HLA-E: variants seen among roughly 807,000 people sequenced by gnomAD.
HLA-E encodes HLA class I histocompatibility antigen, alpha chain E.
A neutral mutation model predicts 43.4 loss-of-function variants in HLA-E; 25 were observed. That is an observed-to-expected ratio of 0.58 (90% CI 0.42 to 0.80). HLA-E has a LOEUF of 0.80. HLA-E is among the 30% of genes least tolerant of loss of function. The pLI is 0.00. For missense variants in HLA-E, 343 were observed against 470.0 expected (o/e 0.73, Z 2.50); for synonymous variants, 161 against 197.6 (o/e 0.81, Z 1.55).
In HLA-E at chr6:30,489,840, A is replaced by T; in HGVS notation, c.179A>T (p.Asp60Val). The T allele has an allele frequency of 2.5e-6, 4 of 1,612,974 alleles. No homozygotes were observed. Among genetic ancestry groups the T allele is most frequent in the Non-Finnish European group, 3.4e-6 (4 of 1,179,988 alleles). ...ACCCAGTTCGTGCGCTTCGACAACGACGCCGCGAGTCCGAGGATGGTGCCG... is the reference window on the plus strand; with the variant it reads ...ACCCAGTTCGTGCGCTTCGACAACGTCGCCGCGAGTCCGAGGATGGTGCCG... Reference protein sequence around the residue: ...DDTQFVRFDNDAASPRMVPRA... With the variant: ...DDTQFVRFDNVAASPRMVPRA... The change falls in exon 2 of 8, where the codon GAC becomes GTC. Residue 60 changes from aspartate to valine, a missense_variant. Transcript: ENST00000376630. This position sits in a 1 kb window ranked among gnomAD's most constrained non-coding sequence, Gnocchi z 5.6.
Position 30,492,310 on chromosome 6 carries a change from G to A in HLA-E, c.1004-94G>A. ...CCCTGGGTCTGCAGTCACAGTTCAG[G>A]AAACTTCTCTGGGATCCAAAACTAG... On this transcript the variant is annotated intron_variant, in intron 5 of 7. Coordinates refer to ENST00000376630, the MANE Select transcript of HLA-E (RefSeq NM_005516.6). This position sits in a 1 kb window ranked among gnomAD's most constrained non-coding sequence, Gnocchi z 4.5. 7.3e-7 allele frequency: 1 copy of A among 1,374,628 alleles called. No individual in the cohort carries two copies. Among genetic ancestry groups the A allele is most frequent in the Admixed American group, 1.7e-5 (1 of 59,464 alleles). The allele number at this position is 1,374,628 out of a possible 1,614,324, so 85.2% of individuals were successfully genotyped here.
rs776182677 is a variant in HLA-E, at chr6:30,489,672, G to A, written c.65-54G>A. 7 of 1,609,928 alleles carry A rather than the reference G, an allele frequency of 4.3e-6. No homozygotes were observed. The highest frequency in any genetic ancestry group is 5.9e-6 in the Non-Finnish European group (7 of 1,178,316). On this transcript the variant is annotated intron_variant, in intron 1 of 7. Transcript: ENST00000376630. This position sits in a 1 kb window ranked among gnomAD's most constrained non-coding sequence, Gnocchi z 5.6. ...CGGCCCGGCGGGGGCGAAGGACTCGGGGAGCCGCGCCGGGAGGAGGGTCGG... is the reference window on the plus strand; with the variant it reads ...CGGCCCGGCGGGGGCGAAGGACTCGAGGAGCCGCGCCGGGAGGAGGGTCGG...
chr6:30,492,342 C>T lies in HLA-E; in HGVS notation c.1004-62C>T, dbSNP rs1313277098. 6.4e-6 allele frequency: 10 copies of T among 1,570,024 alleles called. No homozygotes were observed. The African/African-American group carries it at 1.4e-4, about 21-fold the overall frequency. ...CTCTGGGATCCAAAACTAGGAGGTT[C>T]CTCTAGGACCTTATGGCCCTGCCTC... On this transcript the variant is annotated intron_variant, in intron 5 of 7. Coordinates refer to ENST00000376630, the MANE Select transcript of HLA-E (RefSeq NM_005516.6). The surrounding 1 kb of genome is among the most constrained non-coding windows in gnomAD (Gnocchi z 4.5).
At position 30,490,038 on chromosome 6, in the gene HLA-E, A is replaced by G. The variant is rs1796433889; in HGVS notation, c.334+43A>G. On this transcript the variant is annotated intron_variant, in intron 2 of 7. Coordinates refer to ENST00000376630, the MANE Select transcript of HLA-E (RefSeq NM_005516.6). This position sits in a 1 kb window ranked among gnomAD's most constrained non-coding sequence, Gnocchi z 6.6. The stretch of plus-strand genomic sequence containing the variant: ...GGGGAGCAGGTCACGACCCCTCCCC[A>G]TCCCCCACGGACGGCGCGGGTCCCC... The G allele has an allele frequency of 6.4e-7, 1 of 1,568,626 alleles. No individual in the cohort carries two copies. The highest frequency in any genetic ancestry group is 8.7e-7 in the Non-Finnish European group (1 of 1,152,026).
rs560075602 is a variant in HLA-E, at chr6:30,492,575, C to T, written c.1071C>T (p.Ser357=). The T allele has an allele frequency of 1.2e-6, 2 of 1,613,890 alleles. No individual in the cohort carries two copies. The highest frequency in any genetic ancestry group is 1.7e-6 in the Non-Finnish European group (2 of 1,179,912). ...SDSAQGSESH[S]L ...GTGCCCAGGGGTCTGAGTCTCACAGCTTGTAAAGGTGAGATTCTGGGGGTC... is the reference window on the plus strand; with the variant it reads ...GTGCCCAGGGGTCTGAGTCTCACAGTTTGTAAAGGTGAGATTCTGGGGGTC... Residue 357 remains serine, a synonymous_variant, in exon 7 of 8, where the codon AGC becomes AGT. Coordinates refer to ENST00000376630, the MANE Select transcript of HLA-E (RefSeq NM_005516.6). This position sits in a 1 kb window ranked among gnomAD's most constrained non-coding sequence, Gnocchi z 4.5.
Position 30,491,734 on chromosome 6 carries a change from T to C in HLA-E, c.1003+81T>C. The C allele has an allele frequency of 8.6e-7, 1 of 1,159,612 alleles. No individual in the cohort carries two copies. The highest frequency in any genetic ancestry group is 1.4e-5 in the South Asian group (1 of 73,518). 71.8% of individuals were successfully genotyped at this position (1,159,612 alleles called of 1,614,324 possible). Reference sequence around the variant, plus strand: ...GCCCTAGGTAAAAGTGTGTCCTGCCTCGTTACTGGGAAGCACCATCCACAC... The same window carrying C: ...GCCCTAGGTAAAAGTGTGTCCTGCCCCGTTACTGGGAAGCACCATCCACAC... On this transcript the variant is annotated intron_variant, in intron 5 of 7. Coordinates refer to ENST00000376630, the MANE Select transcript of HLA-E (RefSeq NM_005516.6). The surrounding 1 kb of genome is among the most constrained non-coding windows in gnomAD (Gnocchi z 5.4).
In HLA-E at chr6:30,492,715, A is replaced by T; in HGVS notation, c.*3-34A>T. The T allele has an allele frequency of 1.1e-6, 1 of 891,496 alleles. No individual in the cohort carries two copies. The highest frequency in any genetic ancestry group is 1.5e-5 in the South Asian group (1 of 66,230). The allele number at this position is 891,496 out of a possible 1,614,324, so 55.2% of individuals were successfully genotyped here. ...AGAGTGTCATCACTTACCGTGACTG[A>T]CCTGAATTTGTTCATGACTATTTTC... On this transcript the variant is annotated intron_variant, in intron 7 of 7. Coordinates refer to ENST00000376630, the MANE Select transcript of HLA-E (RefSeq NM_005516.6). This position sits in a 1 kb window ranked among gnomAD's most constrained non-coding sequence, Gnocchi z 4.5.
chr6:30,491,261 T>C lies in HLA-E; in HGVS notation c.735T>C (p.His245=), dbSNP rs1458218018. 1.2e-6 allele frequency: 2 copies of C among 1,614,024 alleles called. No homozygotes were observed. Among genetic ancestry groups the C allele is most frequent in the Non-Finnish European group, 1.7e-6 (2 of 1,179,948 alleles). ...TLTWQQDGEG[H]TQDTELVETR... is the part of the protein sequence containing the mutation. Reference sequence around the variant, plus strand: ...CCTGGCAGCAGGATGGGGAGGGCCATACCCAGGACACGGAGCTCGTGGAGA... The same window carrying C: ...CCTGGCAGCAGGATGGGGAGGGCCACACCCAGGACACGGAGCTCGTGGAGA... The change falls in exon 4 of 8, where the codon CAT becomes CAC. Residue 245 remains histidine, a synonymous_variant. Transcript: ENST00000376630. This position sits in a 1 kb window ranked among gnomAD's most constrained non-coding sequence, Gnocchi z 5.4.
At position 30,492,158 on chromosome 6, in the gene HLA-E, G is replaced by A. The variant is rs41543014; in HGVS notation, c.1004-246G>A. ...TGAAGGACAGATTTATCACCTTGAC[G>A]ATTGTGGTGATGGGGACCTGATCCC... On this transcript the variant is annotated intron_variant, in intron 5 of 7. Transcript: ENST00000376630. The surrounding 1 kb of genome is among the most constrained non-coding windows in gnomAD (Gnocchi z 4.5). 4.7e-4 allele frequency among the ~76,000 whole-genome samples: 72 copies of A among 152,188 alleles called. 1 individual carries two copies. In the East Asian group the frequency reaches 0.014, roughly 29 times the overall value.
rs770290495 is a variant in HLA-E at position 30,492,388 on chromosome 6, C to T, written c.1004-16C>T. 6.2e-7 allele frequency: 1 copy of T among 1,614,122 alleles called. No homozygotes were observed. Among genetic ancestry groups the T allele is most frequent in the Non-Finnish European group, 8.5e-7 (1 of 1,179,974 alleles). ...GCCTCCTCCCTGGCCCCTCACAGGACATTTTCTTCCAACAGGTGGAAAAGG... is the reference window on the plus strand; with the variant it reads ...GCCTCCTCCCTGGCCCCTCACAGGATATTTTCTTCCAACAGGTGGAAAAGG... On this transcript the variant is annotated splice_polypyrimidine_tract_variant and intron_variant, in intron 5 of 7. Coordinates refer to ENST00000376630, the MANE Select transcript of HLA-E (RefSeq NM_005516.6). The surrounding 1 kb of genome is among the most constrained non-coding windows in gnomAD (Gnocchi z 4.5).
chr6:30,491,740 C>A lies in HLA-E; in HGVS notation c.1003+87C>A. 1 of 1,080,278 alleles carries A rather than the reference C, an allele frequency of 9.3e-7. No homozygotes were observed. Among genetic ancestry groups the A allele is most frequent in the Non-Finnish European group, 1.4e-6 (1 of 730,668 alleles). The allele number at this position is 1,080,278 out of a possible 1,614,324, so 66.9% of individuals were successfully genotyped here. On this transcript the variant is annotated intron_variant, in intron 5 of 7. Coordinates refer to ENST00000376630, the MANE Select transcript of HLA-E (RefSeq NM_005516.6). This position sits in a 1 kb window ranked among gnomAD's most constrained non-coding sequence, Gnocchi z 5.4. ...GGTAAAAGTGTGTCCTGCCTCGTTA[C>A]TGGGAAGCACCATCCACACACACGA... is the stretch of plus-strand genomic sequence containing the variant.
rs1196407404 is a variant in HLA-E, at chr6:30,491,127, T to G, written c.611-10T>G. ...ACAAAGTGCCTGAATTTTCTGACTC[T>G]TCCCCTCAGAGCCCCCAAAGACACA... On this transcript the variant is annotated splice_polypyrimidine_tract_variant and intron_variant, in intron 3 of 7. Transcript: ENST00000376630. The surrounding 1 kb of genome is among the most constrained non-coding windows in gnomAD (Gnocchi z 5.4). The G allele has an allele frequency of 1.2e-6, 2 of 1,613,352 alleles. No homozygotes were observed. Among genetic ancestry groups the G allele is most frequent in the African/African-American group, 2.7e-5 (2 of 75,036 alleles).
In HLA-E at chr6:30,490,310, A is replaced by G; in HGVS notation, c.405A>G (p.Glu135=). ...ACGGGCGCTTCCTCCGCGGGTATGAACAGTTCGCCTACGACGGCAAGGATT... is the reference window on the plus strand; with the variant it reads ...ACGGGCGCTTCCTCCGCGGGTATGAGCAGTTCGCCTACGACGGCAAGGATT... ...GPDGRFLRGY[E]QFAYDGKDYL... is the part of the protein sequence containing the mutation. The change falls in exon 3 of 8, where the codon GAA becomes GAG. Residue 135 remains glutamate (E), a synonymous_variant. Transcript: ENST00000376630. The surrounding 1 kb of genome is among the most constrained non-coding windows in gnomAD (Gnocchi z 6.6). 1.2e-6 allele frequency: 2 copies of G among 1,612,600 alleles called. No homozygotes were observed. Among genetic ancestry groups the G allele is most frequent in the Non-Finnish European group, 1.7e-6 (2 of 1,179,838 alleles).
rs1562619519 is a variant in HLA-E, at chr6:30,491,914, A to T, written c.1003+261A>T. Among the ~76,000 whole-genome samples, 1 of 151,792 alleles carries T rather than the reference A, an allele frequency of 6.6e-6. No individual in the cohort carries two copies. On this transcript the variant is annotated intron_variant, in intron 5 of 7. Coordinates refer to ENST00000376630, the MANE Select transcript of HLA-E (RefSeq NM_005516.6). This position sits in a 1 kb window ranked among gnomAD's most constrained non-coding sequence, Gnocchi z 5.4. The stretch of plus-strand genomic sequence containing the variant: ...CAGGTTCAAGCAATTCTCCTGCCTC[A>T]GCCTCCCTAGTAGCTGGGACTACAC...
rs62621992 is a variant in HLA-E, at chr6:30,491,388, C to T, written c.862C>T (p.Pro288Ser). The change falls in exon 4 of 8, where the codon CCC becomes TCC. Residue 288 changes from proline to serine, a missense_variant. Pro to Ser is a moderately conservative substitution (Grantham distance 74). Around this residue, in one of 3 missense-constraint regions of HLA-E, gnomAD observed 190 missense variants for 283.6 expected, o/e 0.67. Coordinates refer to ENST00000376630, the MANE Select transcript of HLA-E (RefSeq NM_005516.6). The surrounding 1 kb of genome is among the most constrained non-coding windows in gnomAD (Gnocchi z 5.4). Reference protein sequence around the residue: ...YTCHVQHEGLPEPVTLRWKPA... With the variant: ...YTCHVQHEGLSEPVTLRWKPA... The stretch of plus-strand genomic sequence containing the variant: ...GTGCCATGTGCAGCATGAGGGGCTA[C>T]CCGAGCCCGTCACCCTGAGATGGAG... 0.021 allele frequency: 33,568 copies of T among 1,614,150 alleles called. 835 individuals carry two copies. Among genetic ancestry groups the T allele is most frequent in the Non-Finnish European group, 0.02 (23,076 of 1,180,014 alleles).
In HLA-E at chr6:30,491,327, T is replaced by C; in HGVS notation, c.801T>C (p.Ala267=). ...AGDGTFQKWA[A]VVVPSGEEQR... ...ATGGAACCTTCCAGAAGTGGGCAGC[T>C]GTGGTGGTGCCTTCTGGAGAGGAGC... is the stretch of plus-strand genomic sequence containing the variant. Residue 267 remains alanine (A), a synonymous_variant, in exon 4 of 8, where the codon GCT becomes GCC. Transcript: ENST00000376630. The surrounding 1 kb of genome is among the most constrained non-coding windows in gnomAD (Gnocchi z 5.4). The C allele has an allele frequency of 6.2e-7, 1 of 1,614,184 alleles. No individual in the cohort carries two copies. Among genetic ancestry groups the C allele is most frequent in the Non-Finnish European group, 8.5e-7 (1 of 1,180,028 alleles).
In HLA-E at chr6:30,490,579, A is replaced by G; in HGVS notation, c.610+64A>G. On this transcript the variant is annotated intron_variant, in intron 3 of 7. Coordinates refer to ENST00000376630, the MANE Select transcript of HLA-E (RefSeq NM_005516.6). This position sits in a 1 kb window ranked among gnomAD's most constrained non-coding sequence, Gnocchi z 6.6. The stretch of plus-strand genomic sequence containing the variant: ...TGGGCTAGGACTGTGCCCACAGCTG[A>G]CAGACCTCAAACAGTAGAAGAAACA... 6.7e-7 allele frequency: 1 copy of G among 1,493,560 alleles called. No homozygotes were observed. 92.5% of individuals were successfully genotyped at this position (1,493,560 alleles called of 1,614,324 possible).
rs1369946504 is a variant in HLA-E, at chr6:30,489,928, G to A, written c.267G>A (p.Arg89=). The part of the protein sequence containing the change: ...EYWDRETRSA[R]DTAQIFRVNL... ...GGGACCGGGAGACACGGAGCGCCAG[G>A]GACACCGCACAGATTTTCCGAGTGA... The change falls in exon 2 of 8, where the codon AGG becomes AGA. Residue 89 remains arginine, a synonymous_variant. Transcript: ENST00000376630. The surrounding 1 kb of genome is among the most constrained non-coding windows in gnomAD (Gnocchi z 5.6). 1 of 1,612,756 alleles carries A rather than the reference G, an allele frequency of 6.2e-7. No individual in the cohort carries two copies. Among genetic ancestry groups the A allele is most frequent in the Non-Finnish European group, 8.5e-7 (1 of 1,179,882 alleles).
In HLA-E at chr6:30,492,789, G is replaced by A; in HGVS notation, c.*43G>A. Reference sequence around the variant, plus strand: ...TTGTGTGCGACTGAGATGCACAGCTGCCTTGTGTGCGACTGAGATGCAGGA... The same window carrying A: ...TTGTGTGCGACTGAGATGCACAGCTACCTTGTGTGCGACTGAGATGCAGGA... On this transcript the variant is annotated 3_prime_UTR_variant, in exon 8 of 8. Coordinates refer to ENST00000376630, the MANE Select transcript of HLA-E (RefSeq NM_005516.6). The surrounding 1 kb of genome is among the most constrained non-coding windows in gnomAD (Gnocchi z 4.5). The A allele has an allele frequency of 1.5e-6, 1 of 680,500 alleles. No homozygotes were observed. Among genetic ancestry groups the A allele is most frequent in the Non-Finnish European group, 2.7e-6 (1 of 377,278 alleles). The allele number at this position is 680,500 out of a possible 1,614,324, so 42.2% of individuals were successfully genotyped here.
Sources: allele counts gnomAD v4.1 joint callset (sites outside exome capture counted in the v4.1 genomes callset), GRCh38; gene constraint gnomAD v4.1.1; regional missense constraint gnomAD v4.1.1; non-coding constraint Gnocchi (gnomAD v3.1); transcripts MANE v1.5; gene names NCBI Gene and HGNC (gene_info 2026-07-23, HGNC 2026-07-21).